Variants in ERAP1 observed in about 807,000 individuals in gnomAD.
ERAP1 encodes the protein endoplasmic reticulum aminopeptidase 1, also known as adipocyte-derived leucine aminopeptidase.
A neutral mutation model predicts 103.7 loss-of-function variants in ERAP1; 86 were observed. The observed-to-expected ratio is 0.83, with a 90% CI of 0.70 to 0.99. The LOEUF is 0.99. Ranked by LOEUF, ERAP1 falls within the 50% of genes least tolerant of loss-of-function variation. The pLI, the probability that ERAP1 is intolerant of heterozygous loss-of-function variation, is 0.00. For synonymous variants in ERAP1, 398 were observed against 402.4 expected (o/e 0.99, Z 0.13); for missense variants, 1,009 against 1,128.4 (o/e 0.89, Z 1.52).
chr5:96,886,308 T>C, the ERAP1 span, among the ~76,000 whole-genome samples: 1 of 152,254 alleles, frequency 6.6e-6, no homozygotes, highest in Non-Finnish European at 1.5e-5. Context: ...GGTATTTTAC[T>C]TAAAAGCACA....
chr5:96,805,041 C>G lies in ERAP1; in HGVS notation c.-17-1098G>C, dbSNP rs540002275. ...TTTTTATTTCTTTTATACAAACGCA[C>G]CTTTCTAATGGGTGTTTGCCAAGAG... On this transcript the variant is annotated intron_variant, in intron 1 of 18. Transcript: ENST00000443439. 22 of 140,600 alleles carry G rather than the reference C, an allele frequency of 1.6e-4. 1 individual carries two copies. Among genetic ancestry groups the G allele is most frequent in the Non-Finnish European group, 3.3e-4 (21 of 63,582 alleles). 8.7% of individuals were successfully genotyped at this position (140,600 alleles called of 1,614,324 possible). A position where few individuals can be genotyped will look rare whatever the true frequency, so the allele number is the denominator to read the frequency against.
chr5:96,912,950 CA>C, the ERAP1 span: 1 of 641,424 alleles, frequency 1.6e-6, no homozygotes, highest in Non-Finnish European at 2.6e-6. Context: ...AATATATTGA[CA>C]AAATGCAAAT....
At chr5:96,935,576 AG>A in the ERAP1 span, 1 of 153,018 alleles carries the variant, frequency 6.5e-6, no homozygotes. Context: ...CTGCTCAGCG[AG>A]GCCTCGTCTA....
chr5:96,786,625 C>T, intron 11 of ERAP1, 76 bp from the exon 12 acceptor site: 1 of 956,008 alleles, frequency 1.0e-6, no homozygotes, highest in Non-Finnish European at 1.7e-6. Context: ...CTATCATGTG[C>T]CAGGCACTGG....
At chr5:96,857,383 A>G in the ERAP1 span, among the ~76,000 whole-genome samples, 1 of 152,184 alleles carries the variant, frequency 6.6e-6, no homozygotes, top group East Asian at 1.9e-4. Flanking sequence ...GAAGGAAAGA[A>G]CTTCATCTTG....
At chr5:96,898,572 CAAAAA>C in the ERAP1 span, among the ~76,000 whole-genome samples, 34 of 94,454 alleles carry the variant, frequency 3.6e-4, no homozygotes, top group African/African-American at 1.1e-3. Flanking sequence ...TACTAAAATA[CAAAAA>C]AAAAAAAAAA....
the ERAP1 span, chr5:96,883,873 C>T: frequency 1.2e-6 from 2 of 1,613,784 alleles, no homozygotes; most frequent in Middle Eastern, 1.7e-4. Flanking sequence ...TCAAAGCCAA[C>T]TTTTCAATCA....
chr5:96,763,837 TAGA>T (rs1272630381), intron 19 of ERAP1, among the ~76,000 whole-genome samples: 5 of 152,000 alleles, frequency 3.3e-5, no homozygotes, highest in African/African-American at 1.2e-4. Context: ...TCAAAGAAAA[TAGA>T]AGATCATGGA....
At chr5:96,901,376 C>G in the ERAP1 span, 9 of 1,010,688 alleles carry the variant, frequency 8.9e-6, no homozygotes, top group Middle Eastern at 2.3e-4. Flanking sequence ...TTACCCTTCC[C>G]TGAGATACCA....
the ERAP1 span, among the ~76,000 whole-genome samples, chr5:96,890,628 T>C: frequency 1.3e-5 from 2 of 152,230 alleles, no homozygotes; most frequent in Non-Finnish European, 2.9e-5. Context: ...TCTTATCCTG[T>C]CCTTTTTCGC....
chr5:96,868,303 C>A, the ERAP1 span, among the ~76,000 whole-genome samples: 3 of 152,154 alleles, frequency 2.0e-5, no homozygotes, highest in Non-Finnish European at 2.9e-5. Context: ...AGAGACCTCA[C>A]TAACAAGAGC....
At chr5:96,878,877 A>G in the ERAP1 span, among the ~76,000 whole-genome samples, 79,404 of 151,874 alleles carry the variant, frequency 0.52, 20,940 homozygotes, top group South Asian at 0.61. Flanking sequence ...GCAGTGAGCC[A>G]AGATAGTGCC....
chr5:96,887,839 G>A, the ERAP1 span, among the ~76,000 whole-genome samples: 14 of 152,220 alleles, frequency 9.2e-5, no homozygotes, highest in African/African-American at 3.1e-4. Flanking sequence ...TGAAAAATGG[G>A]CATAGGCCGG....
chr5:96,840,582 G>C, the ERAP1 span, among the ~76,000 whole-genome samples: 1 of 152,102 alleles, frequency 6.6e-6, no homozygotes, highest in East Asian at 1.9e-4. Context: ...ATGTTAACTC[G>C]TAATCTCAGT....
rs1422747370 is a variant in ERAP1 at position 96,803,629 on chromosome 5, G to T, written c.298C>A (p.Leu100Met). 6.2e-7 allele frequency: 1 copy of T among 1,614,084 alleles called. No homozygotes were observed. Among genetic ancestry groups the T allele is most frequent in the Middle Eastern group, 1.6e-4 (1 of 6,084 alleles). The change falls in exon 2 of 19, where the codon CTG (leucine) becomes ATG (methionine). Residue 100 changes from leucine (L) to methionine (M), a missense_variant. By Grantham distance (15) the Leu-to-Met change is conservative (BLOSUM62 2). Around this residue, in one of 3 missense-constraint regions of ERAP1, gnomAD observed 392 missense variants for 455.2 expected, o/e 0.86. Transcript: ENST00000443439. ...TSTIILHSHH[L>M]QISRATLRKG... The stretch of plus-strand genomic sequence containing the variant: ...CTGAGGGTGGCCCTAGATATCTGCA[G>T]GTGGTGACTATGCAGGATGATGGTG...
chr5:96,792,429 AAAG>A lies in ERAP1; in HGVS notation c.1189-240_1189-238del, dbSNP rs1450839234. On this transcript the variant is annotated intron_variant, in intron 7 of 18. Coordinates refer to ENST00000443439, the MANE Select transcript of ERAP1 (RefSeq NM_001040458.3). ...TTGTTCATCTTAAGTCCTTTAGAAT[AAAG>A]AAAATTTCGTATTAATCTAAAAACG... Among the ~76,000 whole-genome samples, 3 of 152,236 alleles carry A rather than the reference AAAG, an allele frequency of 2.0e-5. No individual in the cohort carries two copies. In the East Asian group the frequency reaches 5.8e-4, roughly 29 times the overall value.
chr5:96,774,484 T>G lies in ERAP1; in HGVS notation c.*1912A>C, dbSNP rs967493418. 2.0e-6 allele frequency: 2 copies of G among 985,344 alleles called. No individual in the cohort carries two copies. The highest frequency in any genetic ancestry group is 2.4e-6 in the Non-Finnish European group (2 of 828,508). 61.0% of individuals were successfully genotyped at this position (985,344 alleles called of 1,614,324 possible). A position where few individuals can be genotyped will look rare whatever the true frequency, so the allele number is the denominator to read the frequency against. ...AGAGAAAATAATTGCAAATATCCACTTAGAGGCAAAGAACAATTTTTTATT... is the reference window on the plus strand; with the variant it reads ...AGAGAAAATAATTGCAAATATCCACGTAGAGGCAAAGAACAATTTTTTATT... On this transcript the variant is annotated 3_prime_UTR_variant, in exon 19 of 19. Transcript: ENST00000443439.
chr5:96,913,746 CAT>C, the ERAP1 span, among the ~76,000 whole-genome samples: 1 of 152,204 alleles, frequency 6.6e-6, no homozygotes, highest in African/African-American at 2.4e-5. Context: ...CCCCTCCCAC[CAT>C]CCCTTCTTGG....
chr5:96,889,831 T>TACAC, the ERAP1 span, among the ~76,000 whole-genome samples: 2,558 of 148,712 alleles, frequency 0.017, 27 homozygotes, highest in African/African-American at 0.022. Flanking sequence ...AAAAAATACA[T>TACAC]ACACACACAC....
Sources: gnomAD v4.1 joint callset for allele counts (sites outside exome capture counted in the v4.1 genomes callset) on GRCh38, gnomAD v4.1.1 for gene constraint, gnomAD v4.1.1 regional missense constraint, MANE v1.5 for transcripts, NCBI Gene and HGNC (gene_info 2026-07-23, HGNC 2026-07-21) for gene names.